The following DLGAP1 variants were observed in gnomAD, a reference collection of about 807,000 sequenced individuals.
DLGAP1 encodes DLG associated protein 1.
DLGAP1 carries 11 observed loss-of-function variants against 90.8 expected under a neutral mutation model. The observed-to-expected ratio is 0.12, with a 90% CI of 0.08 to 0.20. The LOEUF (loss-of-function observed/expected upper bound fraction) is 0.20. Among genes scored for constraint, DLGAP1 ranks in the 10% least tolerant of loss-of-function variants. The pLI, the probability that DLGAP1 is intolerant of heterozygous loss-of-function variation, is 1.00. For synonymous variants in DLGAP1, 558 were observed against 540.7 expected, an observed-to-expected ratio of 1.03 and a Z score of -0.44; for missense variants, 1,050 against 1,333.8, an observed-to-expected ratio of 0.79 and a Z score of 3.31.
intron 1 of DLGAP1, among the ~76,000 whole-genome samples, chr18:4,440,491 A>G (rs529183276): frequency 6.6e-6 from 1 of 152,298 alleles, no homozygotes; most frequent in East Asian, 1.9e-4. Context: ...CTATCGGTAC[A>G]TTACTTTTAC....
chr18:4,376,275 A>C (rs1001799164), intron 1 of DLGAP1, among the ~76,000 whole-genome samples: 1 of 152,158 alleles, frequency 6.6e-6, no homozygotes, highest in Non-Finnish European at 1.5e-5. Context: ...TACTTTTGGC[A>C]CATACTCCAG....
chr18:3,649,474 C>T (rs1241073140), intron 7 of DLGAP1, among the ~76,000 whole-genome samples: 1 of 152,192 alleles, frequency 6.6e-6, no homozygotes, highest in African/African-American at 2.4e-5. Context: ...TGTGCTACAC[C>T]ATGATTCTAG....
intron 2 of DLGAP1, among the ~76,000 whole-genome samples, chr18:4,052,661 T>C (rs1287950307): frequency 6.6e-6 from 1 of 152,226 alleles, no homozygotes; most frequent in Non-Finnish European, 1.5e-5. Flanking sequence ...ATTACTTATG[T>C]GAATTTCTGC....
At chr18:4,405,240 T>A (rs902469914) in intron 1 of DLGAP1, among the ~76,000 whole-genome samples, 6 of 152,184 alleles carry the variant, frequency 3.9e-5, no homozygotes, top group African/African-American at 1.2e-4. Flanking sequence ...GCCATAGGTA[T>A]CCCTCAGGGC....
chr18:3,964,794 G>A (rs902979952), intron 3 of DLGAP1, among the ~76,000 whole-genome samples: 1 of 152,186 alleles, frequency 6.6e-6, no homozygotes, highest in Admixed American at 6.5e-5. Context: ...GTTTTTAAGA[G>A]GTGGCACAAA....
intron 4 of DLGAP1, among the ~76,000 whole-genome samples, chr18:3,863,043 T>A (rs1185496442): frequency 6.6e-6 from 1 of 152,248 alleles, no homozygotes. Flanking sequence ...AGCAATGCTG[T>A]CCAATACAAC....
intron 2 of DLGAP1, among the ~76,000 whole-genome samples, chr18:4,068,879 T>C (rs1347323443): frequency 6.6e-6 from 1 of 152,186 alleles, no homozygotes; most frequent in Non-Finnish European, 1.5e-5. Flanking sequence ...AGAAATTAAG[T>C]GACTTGCAGG....
rs965381699 is a variant in DLGAP1 at position 3,727,510 on chromosome 18, T to C, written c.1591+1625A>G. ...GGGCCAGGATCTGCATTTTACATATTTAAGGAGCGATTTCAGCTGGCAGGC... is the reference window on the plus strand; with the variant it reads ...GGGCCAGGATCTGCATTTTACATATCTAAGGAGCGATTTCAGCTGGCAGGC... On this transcript the variant is annotated intron_variant, in intron 7 of 12. Coordinates refer to ENST00000315677, the MANE Select transcript of DLGAP1 (RefSeq NM_004746.4). The surrounding 1 kb of genome is among the most constrained non-coding windows in gnomAD (Gnocchi z 4.7). 1.6e-4 allele frequency among the ~76,000 whole-genome samples: 24 copies of C among 152,046 alleles called. No homozygotes were observed. The highest frequency in any genetic ancestry group is 5.6e-4 in the African/African-American group (23 of 41,390).
intron 1 of DLGAP1, among the ~76,000 whole-genome samples, chr18:4,225,559 C>T (rs547145790): frequency 5.3e-5 from 8 of 151,670 alleles, no homozygotes; most frequent in Non-Finnish European, 8.8e-5. Flanking sequence ...TTCAAGGAAA[C>T]GCAGAGAAGG....
chr18:3,551,601 T>TCTTC (rs1555677356), intron 9 of DLGAP1, among the ~76,000 whole-genome samples: 2 of 27,612 alleles, frequency 7.2e-5, no homozygotes, highest in South Asian at 2.1e-3. Flanking sequence ...TTCTTTTTCT[T>TCTTC]TTTCTTTCTT....
intron 3 of DLGAP1, among the ~76,000 whole-genome samples, chr18:3,958,591 C>CA (rs1458436393): frequency 7.6e-6 from 1 of 130,970 alleles, no homozygotes; most frequent in Admixed American, 8.4e-5. Flanking sequence ...GTTTGAGAAA[C>CA]AGAAGGCCTT....
chr18:3,544,252 G>C (rs1237325912), intron 9 of DLGAP1, among the ~76,000 whole-genome samples: 3 of 152,122 alleles, frequency 2.0e-5, no homozygotes, highest in Non-Finnish European at 2.9e-5. Flanking sequence ...AGCCAGGTGT[G>C]GTGGCATGTG....
chr18:4,053,407 G>A (rs2075164928), intron 2 of DLGAP1, among the ~76,000 whole-genome samples: 1 of 152,116 alleles, frequency 6.6e-6, no homozygotes, highest in Non-Finnish European at 1.5e-5. Flanking sequence ...AGATTGGAAG[G>A]TAACTGCCCC....
intron 1 of DLGAP1, among the ~76,000 whole-genome samples, chr18:4,386,032 TGTGGGCTAAATGAA>T (rs2082223517): frequency 6.6e-6 from 1 of 152,090 alleles, no homozygotes; most frequent in Non-Finnish European, 1.5e-5. Context: ...AATGGCCTGG[TGTGGGCTAAATGAA>T]GTGTCACATT....
At chr18:4,358,056 C>A (rs1160335345) in intron 1 of DLGAP1, among the ~76,000 whole-genome samples, 1 of 152,186 alleles carries the variant, frequency 6.6e-6, no homozygotes, top group Non-Finnish European at 1.5e-5. Flanking sequence ...AGAGCATAAA[C>A]CGTTCACTCA....
chr18:4,146,847 A>G (rs1355760500), intron 2 of DLGAP1, among the ~76,000 whole-genome samples: 2 of 152,214 alleles, frequency 1.3e-5, no homozygotes, highest in African/African-American at 4.8e-5. Context: ...TACATAACAA[A>G]AAAATAAGTG....
At chr18:4,287,417 G>A (rs2079726103) in intron 1 of DLGAP1, among the ~76,000 whole-genome samples, 1 of 152,104 alleles carries the variant, frequency 6.6e-6, no homozygotes, top group African/African-American at 2.4e-5. Flanking sequence ...TATGTTTATT[G>A]CAGCACTATT....
At chr18:3,934,596 T>C (rs1233895013) in intron 3 of DLGAP1, among the ~76,000 whole-genome samples, 4 of 152,102 alleles carry the variant, frequency 2.6e-5, no homozygotes, top group Admixed American at 1.3e-4. Flanking sequence ...TTTGGTGACA[T>C]AAGAGTATAC....
At chr18:3,634,552 T>C (rs2058631566) in intron 7 of DLGAP1, among the ~76,000 whole-genome samples, 1 of 152,242 alleles carries the variant, frequency 6.6e-6, no homozygotes, top group South Asian at 2.1e-4. Flanking sequence ...ATTATAATAA[T>C]AAAATCCAGA....
Sources: allele counts gnomAD v4.1 joint callset (sites outside exome capture counted in the v4.1 genomes callset), GRCh38; gene constraint gnomAD v4.1.1; non-coding constraint Gnocchi (gnomAD v3.1); transcripts MANE v1.5; gene names NCBI Gene and HGNC (gene_info 2026-07-23, HGNC 2026-07-21).